The following CCDC7 variants were observed in gnomAD, a reference collection of about 807,000 sequenced individuals.
CCDC7 encodes coiled-coil domain-containing protein 7.
A neutral mutation model predicts 196.9 loss-of-function variants in CCDC7; 183 were observed. That is an observed-to-expected ratio of 0.93 (90% CI 0.82 to 1.05). The LOEUF (loss-of-function observed/expected upper bound fraction) is 1.05. Among genes scored for constraint, CCDC7 ranks in the 50% least tolerant of loss-of-function variants. The pLI, the probability that CCDC7 is intolerant of heterozygous loss-of-function variation, is 0.00. For synonymous variants in CCDC7, 525 were observed against 484.6 expected (o/e 1.08, Z -1.10); for missense variants, 1,540 against 1,482.2 (o/e 1.04, Z -0.64).
At position 32,814,381 on chromosome 10, in the gene CCDC7, G is replaced by T; in HGVS notation, c.3109G>T (p.Glu1037Ter). ...GTTTATTTCTATAGGGCCTGATATA[G>T]AACAATTGACAGATGCATTTGGAAG... is the stretch of plus-strand genomic sequence containing the variant. Residue 1037 changes from glutamate to a stop codon, truncating the protein, a stop_gained, in exon 31 of 42, where the codon GAA becomes TAA. Coordinates refer to ENST00000639629, the Ensembl canonical transcript of CCDC7. LOFTEE classifies it high-confidence loss of function. 6.2e-7 allele frequency: 1 copy of T among 1,607,110 alleles called. No individual in the cohort carries two copies. The highest frequency in any genetic ancestry group is 1.1e-5 in the South Asian group (1 of 90,908).
intron 15 of CCDC7, among the ~76,000 whole-genome samples, chr10:32,568,796 A>G (rs916463839): frequency 6.6e-6 from 1 of 152,228 alleles, no homozygotes; most frequent in East Asian, 1.9e-4. Context: ...CCATTCTGAG[A>G]ATGAAACCAA....
intron 20 of CCDC7, among the ~76,000 whole-genome samples, chr10:32,649,040 C>T (rs1443999547): frequency 6.6e-6 from 1 of 152,152 alleles, no homozygotes; most frequent in Non-Finnish European, 1.5e-5. Context: ...CTATTATCCT[C>T]AGAAAACTAA....
intron 18 of CCDC7, among the ~76,000 whole-genome samples, chr10:32,589,604 T>C (rs1029430733): frequency 4.6e-5 from 7 of 152,138 alleles, no homozygotes; most frequent in African/African-American, 1.7e-4. Flanking sequence ...GATTTCTTTG[T>C]TGATTTTCTG....
intron 11 of CCDC7, 139 bp downstream of exon 12, chr10:32,518,644 A>T: frequency 1.5e-6 from 1 of 650,004 alleles, no homozygotes; most frequent in Non-Finnish European, 2.2e-6. Context: ...CTTTAAAAAT[A>T]AAATTATGCC....
chr10:32,827,806 C>A lies in CCDC7; in HGVS notation c.3268+3202C>A, dbSNP rs1156440008. ...CTTAAAGTATAATAAAAATAAATAA[C>A]TAAAAACCATGTTTTAAAATGGCCC... On this transcript the variant is annotated intron_variant, in intron 32 of 41. Transcript: ENST00000639629. Among the ~76,000 whole-genome samples the A allele has an allele frequency of 2.6e-5, 4 of 152,110 alleles. 1 individual carries two copies. In the South Asian group the frequency reaches 8.3e-4, roughly 32 times the overall value.
At chr10:32,610,110 G>A (rs2061946330) in intron 18 of CCDC7, among the ~76,000 whole-genome samples, 1 of 151,652 alleles carries the variant, frequency 6.6e-6, no homozygotes, top group African/African-American at 2.4e-5. Flanking sequence ...TTTCTTGTTT[G>A]TTTGTTTATT....
rs139480188 is a variant in CCDC7, at chr10:32,855,823, G to A, written c.4111+1334G>A. 7.0e-3 allele frequency among the ~76,000 whole-genome samples: 1,059 copies of A among 152,188 alleles called. 16 individuals carry two copies. The highest frequency in any genetic ancestry group is 0.023 in the African/African-American group (971 of 41,514). ...TGAAAGACTTACACTTCATAATTTCGAAGCTTACTGCAAAACTACAATAAC... is the reference window on the plus strand; with the variant it reads ...TGAAAGACTTACACTTCATAATTTCAAAGCTTACTGCAAAACTACAATAAC... On this transcript the variant is annotated intron_variant, in intron 41 of 41. Coordinates refer to ENST00000639629, the Ensembl canonical transcript of CCDC7.
chr10:32,706,015 T>C (rs1247264078), intron 24 of CCDC7, among the ~76,000 whole-genome samples: 1 of 152,054 alleles, frequency 6.6e-6, no homozygotes, highest in East Asian at 1.9e-4. Flanking sequence ...ACAGAATATG[T>C]ATTCTTCTCA....
At chr10:32,876,521 C>A, downstream of CCDC7, 3 of 886,884 alleles carry the variant, frequency 3.4e-6, no homozygotes, top group Admixed American at 2.6e-5. Context: ...TGAAAAACAG[C>A]TGGAAATACA....
chr10:32,868,757 C>G (rs2094309190), intron 41 of CCDC7, among the ~76,000 whole-genome samples: 2 of 143,554 alleles, frequency 1.4e-5, no homozygotes, highest in African/African-American at 5.2e-5. Context: ...TGTGATGTTC[C>G]CCTTCCTGTG....
chr10:32,501,264 T>C (rs1039519738), intron 9 of CCDC7, among the ~76,000 whole-genome samples: 1 of 152,142 alleles, frequency 6.6e-6, no homozygotes, highest in African/African-American at 2.4e-5. Context: ...CTGGGTATTC[T>C]AGTTAGCAAT....
chr10:32,649,578 A>G (rs1358433369), intron 20 of CCDC7, among the ~76,000 whole-genome samples: 1 of 152,252 alleles, frequency 6.6e-6, no homozygotes, highest in East Asian at 1.9e-4. Flanking sequence ...TAGCAAGAGT[A>G]GGAAAATATT....
At chr10:32,695,671 T>C (rs558774206) in intron 24 of CCDC7, among the ~76,000 whole-genome samples, 1 of 152,278 alleles carries the variant, frequency 6.6e-6, no homozygotes, top group South Asian at 2.1e-4. Flanking sequence ...CAGTGCTTCA[T>C]CTGGGAGTGT....
At chr10:32,857,975 A>T (rs1259197702) in intron 41 of CCDC7, among the ~76,000 whole-genome samples, 1 of 152,092 alleles carries the variant, frequency 6.6e-6, no homozygotes, top group African/African-American at 2.4e-5. Context: ...AATTAAAAGG[A>T]TCATAAGAGA....
At chr10:32,800,398 G>A (rs1429491477) in intron 29 of CCDC7, among the ~76,000 whole-genome samples, 1 of 152,126 alleles carries the variant, frequency 6.6e-6, no homozygotes, top group East Asian at 1.9e-4. Flanking sequence ...TCCCAATTAT[G>A]CATTCTGGCA....
intron 20 of CCDC7, among the ~76,000 whole-genome samples, chr10:32,656,989 A>G (rs1168126777): frequency 6.6e-6 from 1 of 152,188 alleles, no homozygotes; most frequent in Non-Finnish European, 1.5e-5. Context: ...TCAAAATCCA[A>G]TAGGGCAGTC....
intron 11 of CCDC7, among the ~76,000 whole-genome samples, chr10:32,519,788 C>G (rs1360748053): frequency 6.6e-6 from 1 of 151,666 alleles, no homozygotes; most frequent in East Asian, 1.9e-4. Context: ...GACTATTGTC[C>G]CCCTGTTGTG....
At chr10:32,708,787 CTTAGCA>C in intron 24 of CCDC7, among the ~76,000 whole-genome samples, 1 of 152,214 alleles carries the variant, frequency 6.6e-6, no homozygotes. Context: ...TCTCACACCA[CTTAGCA>C]TGTTGATCAT....
chr10:32,669,238 A>G (rs2073531347), intron 21 of CCDC7, among the ~76,000 whole-genome samples: 1 of 152,178 alleles, frequency 6.6e-6, no homozygotes, highest in Non-Finnish European at 1.5e-5. Flanking sequence ...CACCCAGGAG[A>G]TAAACCACAC....
Sources: gnomAD v4.1 joint callset for allele counts (sites outside exome capture counted in the v4.1 genomes callset) on GRCh38, gnomAD v4.1.1 for gene constraint, MANE v1.5 for transcripts, NCBI Gene and HGNC (gene_info 2026-07-23, HGNC 2026-07-21) for gene names.